The following ROS1 variants were observed in gnomAD, a reference collection of about 807,000 sequenced individuals.
ROS1 encodes proto-oncogene tyrosine-protein kinase ROS.
ROS1 carries 263 observed loss-of-function variants against 273.5 expected under a neutral mutation model. That is an observed-to-expected ratio of 0.96 (90% CI 0.87 to 1.06). The LOEUF is 1.06. Among genes scored for constraint, ROS1 ranks in the 50% least tolerant of loss-of-function variants. The pLI is 0.00. For missense variants in ROS1, 2,833 were observed against 2,751.1 expected, an observed-to-expected ratio of 1.03 and a Z score of -0.67; for synonymous variants, 1,008 against 954.1, an observed-to-expected ratio of 1.06 and a Z score of -1.04.
At chr6:117,298,353 G>A (rs962257692) in intron 43 of ROS1, among the ~76,000 whole-genome samples, 5 of 152,066 alleles carry the variant, frequency 3.3e-5, no homozygotes, top group African/African-American at 9.7e-5. Context: ...AAAAAGAGGA[G>A]TGATATAGTT....
chr6:117,394,183 C>A lies in ROS1; in HGVS notation c.1170G>T (p.Met390Ile). 1 of 1,591,960 alleles carries A rather than the reference C, an allele frequency of 6.3e-7. No homozygotes were observed. The highest frequency in any genetic ancestry group is 8.5e-7 in the Non-Finnish European group (1 of 1,170,678). The change falls in exon 11 of 44, where the codon ATG (methionine) becomes ATT (isoleucine). Residue 390 changes from methionine to isoleucine, a missense_variant. Coordinates refer to ENST00000368507, the MANE Select transcript of ROS1 (RefSeq NM_001378902.1). Reference sequence around the variant, plus strand: ...TAACCAGTTCATCCATGATGAAATACATTCTTTGATAAAGCCAATCTATGG... The same window carrying A: ...TAACCAGTTCATCCATGATGAAATAAATTCTTTGATAAAGCCAATCTATGG... Reference protein sequence around the residue: ...SISIDWLYQRMYFIMDELVCV... With the variant: ...SISIDWLYQRIYFIMDELVCV...
intron 43 of ROS1, among the ~76,000 whole-genome samples, chr6:117,292,011 C>CTT (rs1482810127): frequency 3.1e-4 from 47 of 151,712 alleles, no homozygotes; most frequent in African/African-American, 1.1e-3. Context: ...ACTCTGTCGC[C>CTT]CAGGCTGGAG....
chr6:117,401,125 C>A (rs746091716), intron 7 of ROS1, among the ~76,000 whole-genome samples: 3 of 152,190 alleles, frequency 2.0e-5, no homozygotes, highest in Non-Finnish European at 2.9e-5. Flanking sequence ...GCCACCCCAA[C>A]AGCTCAATCT....
chr6:117,327,600 T>C (rs556347642), intron 33 of ROS1, among the ~76,000 whole-genome samples: 1 of 152,298 alleles, frequency 6.6e-6, no homozygotes, highest in East Asian at 1.9e-4. Context: ...ATAAGATAGA[T>C]ATTATCATCT....
At chr6:117,397,486 G>A (rs905823920) in intron 7 of ROS1, among the ~76,000 whole-genome samples, 5 of 152,180 alleles carry the variant, frequency 3.3e-5, no homozygotes, top group Non-Finnish European at 5.9e-5. Flanking sequence ...TAAAACTGGA[G>A]TCAATGATCG....
intron 41 of ROS1, among the ~76,000 whole-genome samples, chr6:117,309,140 G>A (rs1268483768): frequency 2.0e-5 from 3 of 152,134 alleles, no homozygotes; most frequent in Non-Finnish European, 4.4e-5. Context: ...AAAGGTGATA[G>A]GAAGGCTTGG....
chr6:117,313,366 G>A lies in ROS1; in HGVS notation c.6118-2249C>T, dbSNP rs190486559. Reference sequence around the variant, plus strand: ...GATTACTTGAGGTCATCAGGAGTTCGAGACCAGCCTGACCAACATGGTGAA... The same window carrying A: ...GATTACTTGAGGTCATCAGGAGTTCAAGACCAGCCTGACCAACATGGTGAA... On this transcript the variant is annotated intron_variant, in intron 39 of 43. Transcript: ENST00000368507. Among the ~76,000 whole-genome samples the A allele has an allele frequency of 2.8e-3, 433 of 152,116 alleles. 1 individual carries two copies. Among genetic ancestry groups the A allele is most frequent in the African/African-American group, 9.4e-3 (390 of 41,500 alleles).
chr6:117,359,557 A>T (rs1485165759), intron 24 of ROS1, among the ~76,000 whole-genome samples: 1 of 152,198 alleles, frequency 6.6e-6, no homozygotes, highest in Non-Finnish European at 1.5e-5. Flanking sequence ...CAAAGCCTAT[A>T]AACTTTCACC....
At chr6:117,397,548 G>A (rs1240227875) in intron 7 of ROS1, among the ~76,000 whole-genome samples, 1 of 152,164 alleles carries the variant, frequency 6.6e-6, no homozygotes, top group Non-Finnish European at 1.5e-5. Context: ...TTTGAGTGGG[G>A]CAGCCTTGCT....
chr6:117,334,823 C>T (rs1327382910), intron 32 of ROS1, among the ~76,000 whole-genome samples: 24 of 152,146 alleles, frequency 1.6e-4, no homozygotes, highest in Admixed American at 1.1e-3. Context: ...ATTCCTTAAC[C>T]TTATACAAAA....
At chr6:117,338,234 C>G (rs544307816) in intron 31 of ROS1, among the ~76,000 whole-genome samples, 1 of 152,162 alleles carries the variant, frequency 6.6e-6, no homozygotes, top group South Asian at 2.1e-4. Context: ...TTTCACTTAA[C>G]ACTCATGAGG....
At chr6:117,334,452 A>T (rs1373817046) in intron 32 of ROS1, among the ~76,000 whole-genome samples, 1 of 152,208 alleles carries the variant, frequency 6.6e-6, no homozygotes, top group Non-Finnish European at 1.5e-5. Flanking sequence ...TGCTATTCTC[A>T]TCTAACTACC....
At chr6:117,334,115 A>C (rs149021175) in intron 32 of ROS1, among the ~76,000 whole-genome samples, 1 of 152,080 alleles carries the variant, frequency 6.6e-6, no homozygotes, top group Admixed American at 6.6e-5. Flanking sequence ...CAGCCCAAAA[A>C]CTTCTTGAAC....
At chr6:117,356,387 T>C (rs2128643104) in intron 26 of ROS1, among the ~76,000 whole-genome samples, 1 of 152,362 alleles carries the variant, frequency 6.6e-6, no homozygotes, top group Middle Eastern at 3.4e-3. Context: ...GTTAAGCTCA[T>C]TAAATTGTAG....
At chr6:117,333,078 A>G (rs1045135847) in intron 32 of ROS1, among the ~76,000 whole-genome samples, 2 of 152,074 alleles carry the variant, frequency 1.3e-5, no homozygotes, top group African/African-American at 2.4e-5. Flanking sequence ...TAAAAAATAA[A>G]ATAAATAACA....
At chr6:117,308,750 A>G (rs1411754344) in intron 42 of ROS1, 44 bp downstream of exon 42, 4 of 1,595,734 alleles carry the variant, frequency 2.5e-6, no homozygotes, top group African/African-American at 1.4e-5. Flanking sequence ...GTATGTGCAC[A>G]TGTTTTTGTT....
chr6:117,402,601 G>A (rs1774032331), intron 7 of ROS1, among the ~76,000 whole-genome samples: 1 of 152,108 alleles, frequency 6.6e-6, no homozygotes, highest in Non-Finnish European at 1.5e-5. Flanking sequence ...CAACATGTGA[G>A]CTCCAGCTGG....
At chr6:117,352,696 G>A (rs542993137) in intron 27 of ROS1, among the ~76,000 whole-genome samples, 15 of 152,290 alleles carry the variant, frequency 9.8e-5, no homozygotes, top group African/African-American at 3.6e-4. Context: ...ATAAGAGAAA[G>A]AAGAGAAATT....
intron 1 of ROS1, among the ~76,000 whole-genome samples, chr6:117,421,904 T>C (rs2128750029): frequency 1.3e-5 from 2 of 152,338 alleles, no homozygotes; most frequent in East Asian, 3.9e-4. Context: ...ATTAGGCTTC[T>C]TAAGGCATTT....
Sources: gnomAD v4.1 joint callset for allele counts (sites outside exome capture counted in the v4.1 genomes callset) on GRCh38, gnomAD v4.1.1 for gene constraint, MANE v1.5 for transcripts, NCBI Gene and HGNC (gene_info 2026-07-23, HGNC 2026-07-21) for gene names.